B3GNT7: variants seen among roughly 807,000 people sequenced by gnomAD.
B3GNT7 encodes BGnT-7.
A neutral mutation model predicts 5.1 loss-of-function variants in B3GNT7; 9 were observed. The ratio of observed to expected loss-of-function variants is 1.77; its 90% confidence interval spans 1.07 to 3.09. The LOEUF is 3.09. Ranked by LOEUF, B3GNT7 falls within the 30% of genes most tolerant of loss-of-function variation. The pLI, the probability that B3GNT7 is intolerant of heterozygous loss-of-function variation, is 0.00. For missense variants in B3GNT7, 468 were observed against 550.8 expected, an observed-to-expected ratio of 0.85 and a Z score of 1.50; for synonymous variants, 253 against 248.6, an observed-to-expected ratio of 1.02 and a Z score of -0.17.
In B3GNT7 at chr2:231,398,416, G is replaced by A. The variant is rs2290130; in HGVS notation, c.697G>A (p.Val233Ile). 384,575 of 1,613,524 alleles carry A rather than the reference G, an allele frequency of 0.24. 47,106 individuals carry two copies. Among genetic ancestry groups the A allele is most frequent in the Middle Eastern group, 0.26 (1,565 of 6,062 alleles). Residue 233 changes from valine to isoleucine, a missense_variant, in exon 2 of 2, where the codon GTC becomes ATC. Physicochemically the swap from Val to Ile is conservative, Grantham distance 29 (BLOSUM62 3). Transcript: ENST00000287590. Reference sequence around the variant, plus strand: ...GTGGCTGGACATCTACTGCCCCCACGTCCCCTTCATTTTCAAAGGCGACGA... The same window carrying A: ...GTGGCTGGACATCTACTGCCCCCACATCCCCTTCATTTTCAAAGGCGACGA... ...LKWLDIYCPH[V>I]PFIFKGDDDV...
chr2:231,397,437 C>A (rs2046524637), intron 1 of B3GNT7, among the ~76,000 whole-genome samples: 1 of 152,176 alleles, frequency 6.6e-6, no homozygotes, highest in Non-Finnish European at 1.5e-5. Context: ...GTTTTAGCCC[C>A]ATTTGGGGGA....
At chr2:231,397,097 G>A (rs2046522079) in intron 1 of B3GNT7, 2 of 719,120 alleles carry the variant, frequency 2.8e-6, no homozygotes, top group African/African-American at 3.9e-5. Context: ...GCTCTTTGTT[G>A]GGTGAGACAG....
rs1408237294 is a variant in B3GNT7 at position 231,400,280 on chromosome 2, G to A, written c.*1355G>A. 6.6e-6 allele frequency: 1 copy of A among 152,022 alleles called. No individual in the cohort carries two copies. Among genetic ancestry groups the A allele is most frequent in the African/African-American group, 2.4e-5 (1 of 41,348 alleles). The allele number at this position is 152,022 out of a possible 1,614,324, so 9.4% of individuals were successfully genotyped here. On this transcript the variant is annotated 3_prime_UTR_variant, in exon 2 of 2. Transcript: ENST00000287590. The stretch of plus-strand genomic sequence containing the variant: ...CGGGGCTGAGTGCTAGGATTAAAGT[G>A]GGGATGGGAGTACGGCAACAGAAAA...
At position 231,399,213 on chromosome 2, in the gene B3GNT7, T is replaced by A; in HGVS notation, c.*288T>A. On this transcript the variant is annotated 3_prime_UTR_variant, in exon 2 of 2. Transcript: ENST00000287590. ...GGCAGCCCTCCTGACCTGGGTCCGT[T>A]GCTGGCCCCCTCAGATGTGGTGGGA... 2.2e-6 allele frequency: 1 copy of A among 457,138 alleles called. No homozygotes were observed. 28.3% of individuals were successfully genotyped at this position (457,138 alleles called of 1,614,324 possible). A position where few individuals can be genotyped will look rare whatever the true frequency, so the allele number is the denominator to read the frequency against.
At position 231,395,828 on chromosome 2, in the gene B3GNT7, G is replaced by C; in HGVS notation, c.11+14G>C. 2.6e-6 allele frequency: 3 copies of C among 1,163,868 alleles called. No homozygotes were observed. Among genetic ancestry groups the C allele is most frequent in the Non-Finnish European group, 3.2e-6 (3 of 943,964 alleles). 72.1% of individuals were successfully genotyped at this position (1,163,868 alleles called of 1,614,324 possible). Reference sequence around the variant, plus strand: ...CATGTCGCTGTGGTGAGTGGGGCTGGGGGCCGTCGGGGGCCTGGGCGGGGG... The same window carrying C: ...CATGTCGCTGTGGTGAGTGGGGCTGCGGGCCGTCGGGGGCCTGGGCGGGGG... On this transcript the variant is annotated intron_variant, in intron 1 of 1. Coordinates refer to ENST00000287590, the MANE Select transcript of B3GNT7 (RefSeq NM_145236.3). The surrounding 1 kb of genome is among the most constrained non-coding windows in gnomAD (Gnocchi z 7.3).
intron 1 of B3GNT7, among the ~76,000 whole-genome samples, chr2:231,397,511 A>AT (rs1049912137): frequency 6.6e-6 from 1 of 152,066 alleles, no homozygotes; most frequent in African/African-American, 2.4e-5. Context: ...TCAGGGCCTG[A>AT]TTCCACAGTG....
At position 231,398,161 on chromosome 2, in the gene B3GNT7, G is replaced by A. The variant is rs1447765254; in HGVS notation, c.442G>A (p.Asp148Asn). 15 of 1,591,626 alleles carry A rather than the reference G, an allele frequency of 9.4e-6. No individual in the cohort carries two copies. The highest frequency in any genetic ancestry group is 3.3e-4 in the Middle Eastern group (2 of 5,996). Residue 148 changes from aspartate to asparagine, a missense_variant, in exon 2 of 2, where the codon GAC (aspartate) becomes AAC (asparagine). Coordinates refer to ENST00000287590, the MANE Select transcript of B3GNT7 (RefSeq NM_145236.3). ...TGTCAAGTCGGTCATCACGCAGCAC[G>A]ACCGCCGCGAGGCCATCCGCCAGAC... is the stretch of plus-strand genomic sequence containing the variant. The part of the protein sequence containing the change: ...VVVKSVITQH[D>N]RREAIRQTWG...
In B3GNT7 at chr2:231,398,651, G is replaced by A. The variant is rs777200071; in HGVS notation, c.932G>A (p.Arg311Gln). ...GGFLMAGSLA[R>Q]RLHHACDTLE... ...TTCCTCATGGCCGGCAGCCTGGCCC[G>A]GCGCCTGCACCATGCCTGCGACACC... The change falls in exon 2 of 2, where the codon CGG becomes CAG. Residue 311 changes from arginine (R) to glutamine (Q), a missense_variant. Arg to Gln is a conservative substitution (Grantham distance 43, BLOSUM62 1). Transcript: ENST00000287590. 2.0e-5 allele frequency: 32 copies of A among 1,611,804 alleles called. No homozygotes were observed. Among genetic ancestry groups the A allele is most frequent in the South Asian group, 1.1e-4 (10 of 91,032 alleles).
In B3GNT7 at chr2:231,398,622, T is replaced by TGGC. The variant is rs1553642757; in HGVS notation, c.904_906dup (p.Gly302dup). The TGGC allele has an allele frequency of 6.2e-7, 1 of 1,612,366 alleles. No individual in the cohort carries two copies. Among genetic ancestry groups the TGGC allele is most frequent in the South Asian group, 1.1e-5 (1 of 91,028 alleles). On this transcript the variant is annotated inframe_insertion, in exon 2 of 2. Transcript: ENST00000287590. ...GCTATCCGCCGTATGCAGGCGGCGG[T>TGGC]GGCTTCCTCATGGCCGGCAGCCTGG...
rs1250781122 is a variant in B3GNT7 at position 231,398,257 on chromosome 2, G to C, written c.538G>C (p.Ala180Pro). The change falls in exon 2 of 2, where the codon GCC becomes CCC. Residue 180 changes from alanine to proline, a missense_variant. Ala to Pro is a conservative substitution (Grantham distance 27). Coordinates refer to ENST00000287590, the MANE Select transcript of B3GNT7 (RefSeq NM_145236.3). Reference protein sequence around the residue: ...AVRTLFLLGTASKQEERTHYQ... With the variant: ...AVRTLFLLGTPSKQEERTHYQ... ...GCGCACCCTCTTCCTGCTGGGCACG[G>C]CCTCCAAGCAGGAGGAGCGCACGCA... 2 of 1,612,250 alleles carry C rather than the reference G, an allele frequency of 1.2e-6. No individual in the cohort carries two copies. The highest frequency in any genetic ancestry group is 3.3e-5 in the Admixed American group (2 of 59,996).
In B3GNT7 at chr2:231,401,127, G is replaced by A. The variant is rs894680201; in HGVS notation, c.*2202G>A. ...TCGGCTCTTAAGACGCGAGTCTGCC[G>A]ACGCTCCCGGCCGAATAAAAACCTC... On this transcript the variant is annotated 3_prime_UTR_variant, in exon 2 of 2. Coordinates refer to ENST00000287590, the MANE Select transcript of B3GNT7 (RefSeq NM_145236.3). 2.0e-5 allele frequency: 3 copies of A among 152,208 alleles called. No homozygotes were observed. Among genetic ancestry groups the A allele is most frequent in the Admixed American group, 6.5e-5 (1 of 15,280 alleles). 9.4% of individuals were successfully genotyped at this position (152,208 alleles called of 1,614,324 possible).
At chr2:231,396,957 G>A (rs2046521022) in intron 1 of B3GNT7, among the ~76,000 whole-genome samples, 1 of 152,224 alleles carries the variant, frequency 6.6e-6, no homozygotes, top group South Asian at 2.1e-4. Context: ...CCCCCTCCCA[G>A]GGAGTAGAGC....
rs560427683 is a variant in B3GNT7, at chr2:231,398,780, G to A, written c.1061G>A (p.Arg354Gln). The A allele has an allele frequency of 1.5e-5, 24 of 1,607,880 alleles. No homozygotes were observed. Among genetic ancestry groups the A allele is most frequent in the Middle Eastern group, 1.6e-4 (1 of 6,062 alleles). The change falls in exon 2 of 2, where the codon CGG becomes CAG. Residue 354 changes from arginine (R) to glutamine (Q), a missense_variant. Arg to Gln is a conservative substitution (Grantham distance 43). Coordinates refer to ENST00000287590, the MANE Select transcript of B3GNT7 (RefSeq NM_145236.3). ...HEGFKTFGIS[R>Q]NRNSRMNKEP... The stretch of plus-strand genomic sequence containing the variant: ...GGCTTCAAGACTTTCGGCATCTCCC[G>A]GAACCGCAACAGCCGCATGAACAAG...
In B3GNT7 at chr2:231,398,827, A is replaced by G. The variant is rs760569261; in HGVS notation, c.1108A>G (p.Met370Val). ...CAAGGAGCCGTGCTTTTTCCGCGCCATGCTCGTGGTGCACAAGCTGCTGCC... is the reference window on the plus strand; with the variant it reads ...CAAGGAGCCGTGCTTTTTCCGCGCCGTGCTCGTGGTGCACAAGCTGCTGCC... ...MNKEPCFFRAMLVVHKLLPPE... is the reference protein window; with the variant it reads ...MNKEPCFFRAVLVVHKLLPPE... Residue 370 changes from methionine to valine, a missense_variant, in exon 2 of 2, where the codon ATG becomes GTG. Physicochemically the swap from Met to Val is conservative, Grantham distance 21 (BLOSUM62 1). Transcript: ENST00000287590. 2.7e-5 allele frequency: 44 copies of G among 1,603,102 alleles called. No individual in the cohort carries two copies. Among genetic ancestry groups the G allele is most frequent in the Admixed American group, 8.3e-5 (5 of 59,982 alleles).
rs1160680981 is a variant in B3GNT7 at position 231,399,263 on chromosome 2, G to T, written c.*338G>T. The T allele has an allele frequency of 3.1e-6, 1 of 320,574 alleles. No individual in the cohort carries two copies. 19.9% of individuals were successfully genotyped at this position (320,574 alleles called of 1,614,324 possible). On this transcript the variant is annotated 3_prime_UTR_variant, in exon 2 of 2. Coordinates refer to ENST00000287590, the MANE Select transcript of B3GNT7 (RefSeq NM_145236.3). ...AGGTCCTGGTGACCTCTGGAGGAACGCTGTGCTCAGGTACCTGGGCTAGGC... is the reference window on the plus strand; with the variant it reads ...AGGTCCTGGTGACCTCTGGAGGAACTCTGTGCTCAGGTACCTGGGCTAGGC...
chr2:231,395,841 G>T lies in B3GNT7; in HGVS notation c.11+27G>T. On this transcript the variant is annotated intron_variant, in intron 1 of 1. Transcript: ENST00000287590. The surrounding 1 kb of genome is among the most constrained non-coding windows in gnomAD (Gnocchi z 7.3). ...TGAGTGGGGCTGGGGGCCGTCGGGG[G>T]CCTGGGCGGGGGCGTGGGCCCGGGG... The T allele has an allele frequency of 2.6e-6, 3 of 1,159,914 alleles. No homozygotes were observed. The highest frequency in any genetic ancestry group is 3.2e-6 in the Non-Finnish European group (3 of 940,712). The allele number at this position is 1,159,914 out of a possible 1,614,324, so 71.9% of individuals were successfully genotyped here. A position where few individuals can be genotyped will look rare whatever the true frequency, so the allele number is the denominator to read the frequency against.
At chr2:231,396,937 T>C (rs2046520810) in intron 1 of B3GNT7, among the ~76,000 whole-genome samples, 1 of 152,192 alleles carries the variant, frequency 6.6e-6, no homozygotes, top group Admixed American at 6.5e-5. Flanking sequence ...GGGCTGGAGC[T>C]GCAAATGTGC....
In B3GNT7 at chr2:231,397,989, A is replaced by G; in HGVS notation, c.270A>G (p.Ser90=). 4 of 1,611,524 alleles carry G rather than the reference A, an allele frequency of 2.5e-6. No homozygotes were observed. Among genetic ancestry groups the G allele is most frequent in the Non-Finnish European group, 3.4e-6 (4 of 1,179,870 alleles). ...QAWDVTTTNC[S]ANINLTHQPW... ...GGGACGTGACCACCACTAACTGCTC[A>G]GCCAATATCAACTTGACCCACCAGC... Residue 90 remains serine, a synonymous_variant, in exon 2 of 2, where the codon TCA becomes TCG. Transcript: ENST00000287590.
chr2:231,395,944 TCA>T lies in B3GNT7; in HGVS notation c.11+131_11+132del, dbSNP rs963527153. On this transcript the variant is annotated intron_variant, in intron 1 of 1. Coordinates refer to ENST00000287590, the MANE Select transcript of B3GNT7 (RefSeq NM_145236.3). This position sits in a 1 kb window ranked among gnomAD's most constrained non-coding sequence, Gnocchi z 7.3. ...TGCCCCCGCGCGCGCCGCGCCGGCC[TCA>T]GTTTCCCGGGGGCGGATGGGCGGGC... The T allele has an allele frequency of 3.4e-6, 2 of 580,524 alleles. No individual in the cohort carries two copies. Among genetic ancestry groups the T allele is most frequent in the African/African-American group, 4.1e-5 (2 of 49,092 alleles). 36.0% of individuals were successfully genotyped at this position (580,524 alleles called of 1,614,324 possible).
Sources: gnomAD v4.1 joint callset for allele counts (sites outside exome capture counted in the v4.1 genomes callset) on GRCh38, gnomAD v4.1.1 for gene constraint, Gnocchi (gnomAD v3.1) non-coding constraint, MANE v1.5 for transcripts, NCBI Gene and HGNC (gene_info 2026-07-23, HGNC 2026-07-21) for gene names.